Variants in SPATA33 observed in about 807,000 individuals in gnomAD.
The protein encoded by SPATA33 is spermatogenesis-associated protein 33.
A neutral mutation model predicts 8.9 loss-of-function variants in SPATA33; 10 were observed. The ratio of observed to expected loss-of-function variants is 1.12; its 90% CI spans 0.69 to 1.90. The LOEUF (loss-of-function observed/expected upper bound fraction) is 1.90. Ranked by LOEUF, SPATA33 falls within the 40% of genes most tolerant of loss-of-function variation. The probability of loss-of-function intolerance (pLI) is 0.00; values close to 1 mark genes in which losing one functional copy is unlikely to be tolerated. For missense variants in SPATA33, 241 were observed against 178.3 expected (o/e 1.35, Z -2.00); for synonymous variants, 96 against 72.8 (o/e 1.32, Z -1.63).
rs762981927 is a variant in SPATA33 at position 89,657,906 on chromosome 16, T to C, written c.-6T>C. ...GCTTGCGTCGGAGGGGGCGGTGGGCTCACCCATGGGCCTTTCCAAAAGCAA... is the reference window on the plus strand; with the variant it reads ...GCTTGCGTCGGAGGGGGCGGTGGGCCCACCCATGGGCCTTTCCAAAAGCAA... On this transcript the variant is annotated 5_prime_UTR_variant, in exon 1 of 3. Coordinates refer to ENST00000579310, the MANE Select transcript of SPATA33 (RefSeq NM_001271907.2). 1.3e-6 allele frequency: 2 copies of C among 1,516,926 alleles called. No individual in the cohort carries two copies. The highest frequency in any genetic ancestry group is 1.4e-5 in the African/African-American group (1 of 69,844). 94.0% of individuals were successfully genotyped at this position (1,516,926 alleles called of 1,614,324 possible).
At position 89,666,578 on chromosome 16, in the gene SPATA33, C is replaced by T. The variant is rs543253333; in HGVS notation, c.212-2708C>T. ...GGTCGGTGGGTTTTCTCCCCATGTG[C>T]GGAGATGAGAGAGCGTAGAAATAAA... is the stretch of plus-strand genomic sequence containing the variant. On this transcript the variant is annotated intron_variant, in intron 2 of 2. Coordinates refer to ENST00000579310, the MANE Select transcript of SPATA33 (RefSeq NM_001271907.2). 6.9e-4 allele frequency among the ~76,000 whole-genome samples: 105 copies of T among 152,074 alleles called. 1 individual carries two copies. The highest frequency in any genetic ancestry group is 5.2e-3 in the South Asian group (25 of 4,814).
In SPATA33 at chr16:89,670,359, C is replaced by A. The variant is rs890460479; in HGVS notation, c.*862C>A. On this transcript the variant is annotated 3_prime_UTR_variant, in exon 3 of 3. Transcript: ENST00000579310. ...TCCATTGCCATTTGGTCCTGCCTTC[C>A]CCAGAGCTGCTAGCAGCTCGGTCGA... 6.6e-6 allele frequency: 1 copy of A among 152,612 alleles called. No homozygotes were observed. Among genetic ancestry groups the A allele is most frequent in the Admixed American group, 6.5e-5 (1 of 15,294 alleles). 9.5% of individuals were successfully genotyped at this position (152,612 alleles called of 1,614,324 possible). A position where few individuals can be genotyped will look rare whatever the true frequency, so the allele number is the denominator to read the frequency against.
chr16:89,663,428 G>C (rs770577979), intron 2 of SPATA33, among the ~76,000 whole-genome samples: 14 of 152,064 alleles, frequency 9.2e-5, no homozygotes, highest in Non-Finnish European at 1.6e-4. Flanking sequence ...GGTCAGGCTG[G>C]TCTCAAACTC....
chr16:89,668,858 A>G (rs2060060503), intron 2 of SPATA33, among the ~76,000 whole-genome samples: 1 of 152,242 alleles, frequency 6.6e-6, no homozygotes, highest in Admixed American at 6.5e-5. Context: ...GCAACATCAG[A>G]CATGTCCATT....
intron 2 of SPATA33, chr16:89,661,006 C>A: frequency 5.0e-6 from 5 of 992,442 alleles, no homozygotes; most frequent in Non-Finnish European, 6.0e-6. Flanking sequence ...TCTTCACATG[C>A]CTCCAACTGC....
Position 89,669,844 on chromosome 16 carries a change from A to G in SPATA33, c.*347A>G. Reference sequence around the variant, plus strand: ...GTGAGAACCTGCAGCCCCCTTCTCCAATGCTCTCGGGGAGGGTACACCAGG... The same window carrying G: ...GTGAGAACCTGCAGCCCCCTTCTCCGATGCTCTCGGGGAGGGTACACCAGG... On this transcript the variant is annotated 3_prime_UTR_variant, in exon 3 of 3. Coordinates refer to ENST00000579310, the MANE Select transcript of SPATA33 (RefSeq NM_001271907.2). 3.3e-6 allele frequency: 1 copy of G among 301,570 alleles called. No homozygotes were observed. The highest frequency in any genetic ancestry group is 7.4e-5 in the East Asian group (1 of 13,582). 18.7% of individuals were successfully genotyped at this position (301,570 alleles called of 1,614,324 possible). A position where few individuals can be genotyped will look rare whatever the true frequency, so the allele number is the denominator to read the frequency against.
At position 89,663,241 on chromosome 16, in the gene SPATA33, C is replaced by CTT. The variant is rs35836835; in HGVS notation, c.211+4835_211+4836dup. Among the ~76,000 whole-genome samples the CTT allele has an allele frequency of 3.0e-4, 42 of 138,194 alleles. 1 individual carries two copies. The highest frequency in any genetic ancestry group is 4.2e-4 in the East Asian group (2 of 4,736). 90.7% of individuals were successfully genotyped at this position (138,194 alleles called of 152,430 possible). ...GGTCACATGCTGTATGATTCCATTT[C>CTT]TTTTTTTTTTTTTTTTAGGCTGGAG... On this transcript the variant is annotated intron_variant, in intron 2 of 2. Coordinates refer to ENST00000579310, the MANE Select transcript of SPATA33 (RefSeq NM_001271907.2).
intron 2 of SPATA33, 44 bp from the exon 3 acceptor site, chr16:89,669,242 G>C (rs747567960): frequency 1.3e-6 from 2 of 1,567,856 alleles, no homozygotes; most frequent in Middle Eastern, 1.7e-4. Flanking sequence ...CGTGGAAGGA[G>C]CTTTCCACAC....
At chr16:89,660,205 G>A (rs1002980264) in intron 2 of SPATA33, 8 of 250,158 alleles carry the variant, frequency 3.2e-5, no homozygotes, top group African/African-American at 1.3e-4. Context: ...CCCCCCACAC[G>A]CAGGCAGGAC....
At chr16:89,660,102 C>G (rs2059945995) in intron 2 of SPATA33, 1 of 163,852 alleles carries the variant, frequency 6.1e-6, no homozygotes, top group Admixed American at 6.4e-5. Context: ...GTGGAGCTTC[C>G]AGGTTGGCTT....
intron 2 of SPATA33, chr16:89,661,641 T>C (rs2059967622): frequency 6.6e-6 from 1 of 152,094 alleles, no homozygotes; most frequent in African/African-American, 2.4e-5. Flanking sequence ...ATACAAACAT[T>C]ATAGAGAACT....
chr16:89,667,787 C>A (rs1341006494), intron 2 of SPATA33, among the ~76,000 whole-genome samples: 1 of 152,242 alleles, frequency 6.6e-6, no homozygotes, highest in Non-Finnish European at 1.5e-5. Flanking sequence ...CTGAATACCC[C>A]GTCTGACTAG....
At chr16:89,665,497 G>C (rs71390224) in intron 2 of SPATA33, among the ~76,000 whole-genome samples, 11,243 of 144,500 alleles carry the variant, frequency 0.078, 547 homozygotes, top group Admixed American at 0.13. Flanking sequence ...TTTTTTTTAA[G>C]TAGAGATGGG....
rs202161390 is a variant in SPATA33 at position 89,658,309 on chromosome 16, G to A, written c.99G>A (p.Glu33=). 6.2e-7 allele frequency: 1 copy of A among 1,614,174 alleles called. No homozygotes were observed. The highest frequency in any genetic ancestry group is 8.5e-7 in the Non-Finnish European group (1 of 1,180,042). Reference sequence around the variant, plus strand: ...CAAAATCTAAGGAGAAGTTGATGGAGAAGCATTCCCAGGAAGCCAGGCAGG... The same window carrying A: ...CAAAATCTAAGGAGAAGTTGATGGAAAAGCATTCCCAGGAAGCCAGGCAGG... ...SVPKSKEKLM[E]KHSQEARQAD... is the part of the protein sequence containing the mutation. Residue 33 remains glutamate, a synonymous_variant, in exon 2 of 3, where the codon GAG becomes GAA. Transcript: ENST00000579310.
chr16:89,664,398 A>G (rs2059998733), intron 2 of SPATA33, among the ~76,000 whole-genome samples: 1 of 152,166 alleles, frequency 6.6e-6, no homozygotes, highest in Non-Finnish European at 1.5e-5. Flanking sequence ...AGCCATGTGT[A>G]ACCCTCCCCT....
intron 2 of SPATA33, chr16:89,660,943 G>A (rs1004060120): frequency 2.0e-6 from 2 of 1,017,478 alleles, no homozygotes; most frequent in Admixed American, 5.8e-5. Flanking sequence ...GCACCTCAGG[G>A]GGAGCCAGCA....
chr16:89,664,632 G>A (rs2060002318), intron 2 of SPATA33, among the ~76,000 whole-genome samples: 1 of 149,928 alleles, frequency 6.7e-6, no homozygotes. Flanking sequence ...CCTGATCAGG[G>A]AAGCCAGACA....
intron 2 of SPATA33, among the ~76,000 whole-genome samples, chr16:89,665,481 T>TA (rs552623007): frequency 1.5e-5 from 1 of 66,338 alleles, no homozygotes. Context: ...ATTTTTTGTA[T>TA]TTTTTTTTTT....
intron 2 of SPATA33, chr16:89,660,985 G>A (rs983960376): frequency 5.0e-5 from 50 of 996,504 alleles, no homozygotes; most frequent in Non-Finnish European, 6.0e-5. Context: ...TTCCCTGTAC[G>A]TCTCAGTGAG....
Sources: gnomAD v4.1 joint callset for allele counts (sites outside exome capture counted in the v4.1 genomes callset) on GRCh38, gnomAD v4.1.1 for gene constraint, MANE v1.5 for transcripts, NCBI Gene and HGNC (gene_info 2026-07-23, HGNC 2026-07-21) for gene names.